EIF4E3: variants seen among roughly 807,000 people sequenced by gnomAD.
EIF4E3 encodes eukaryotic translation initiation factor 4E family member 3.
Under a neutral mutation model 31.7 loss-of-function variants are expected in EIF4E3, and 26 were observed. The observed-to-expected ratio is 0.82, with a 90% CI of 0.60 to 1.14. The LOEUF (loss-of-function observed/expected upper bound fraction) is 1.14, where lower values mean the gene tolerates loss of function less well. Among genes scored for constraint, EIF4E3 ranks in the 50% most tolerant of loss-of-function variants. The probability of loss-of-function intolerance (pLI) is 0.00; values close to 1 mark genes in which losing one functional copy is unlikely to be tolerated. For missense variants in EIF4E3, 304 were observed against 270.9 expected (o/e 1.12, Z -0.86); for synonymous variants, 128 against 107.7 (o/e 1.19, Z -1.17).
At chr3:71,661,525 G>A in the EIF4E3 span, among the ~76,000 whole-genome samples, 1 of 152,158 alleles carries the variant, frequency 6.6e-6, no homozygotes, top group Non-Finnish European at 1.5e-5. Context: ...GTCAAATAAA[G>A]AGGATATCTT....
chr3:71,671,713 G>A (rs924747799), downstream of EIF4E3, among the ~76,000 whole-genome samples: 2 of 152,018 alleles, frequency 1.3e-5, no homozygotes, highest in East Asian at 1.9e-4. Context: ...AAGATCCCAC[G>A]GTATATAGAT....
upstream of EIF4E3, chr3:71,754,553 C>A: frequency 1.5e-6 from 2 of 1,359,278 alleles, no homozygotes; most frequent in South Asian, 1.6e-5. The surrounding 1 kb of genome is among the most constrained non-coding windows in gnomAD (Gnocchi z 5.8). Context: ...ACGACGAGGA[C>A]GCGCCGTGCG....
downstream of EIF4E3, among the ~76,000 whole-genome samples, chr3:71,673,473 T>G (rs967250363): frequency 2.0e-5 from 3 of 152,158 alleles, no homozygotes; most frequent in Non-Finnish European, 4.4e-5. Flanking sequence ...AAGCTATTAT[T>G]ATTATTGGAG....
chr3:71,738,298 C>G (rs78506626), intron 1 of EIF4E3, among the ~76,000 whole-genome samples: 21,669 of 152,132 alleles, frequency 0.14, 2,089 homozygotes, highest in East Asian at 0.36. Flanking sequence ...CCTACCTAAG[C>G]CAGCAAGGCC....
At chr3:71,722,251 G>A (rs2049563031) in intron 1 of EIF4E3, among the ~76,000 whole-genome samples, 1 of 152,194 alleles carries the variant, frequency 6.6e-6, no homozygotes, top group Non-Finnish European at 1.5e-5. Context: ...TATATGTTGA[G>A]TCTGGTTGTG....
chr3:71,743,334 T>G (rs1422853262), intron 1 of EIF4E3, among the ~76,000 whole-genome samples: 2 of 152,150 alleles, frequency 1.3e-5, no homozygotes, highest in Non-Finnish European at 2.9e-5. Context: ...ATATTCTTTT[T>G]AGGGTAGAAA....
At chr3:71,706,871 G>A (rs1423855520) in intron 2 of EIF4E3, among the ~76,000 whole-genome samples, 2 of 152,084 alleles carry the variant, frequency 1.3e-5, no homozygotes, top group Non-Finnish European at 1.5e-5. Context: ...TAAAAAGACA[G>A]TGGGACAAAA....
chr3:71,672,739 GTTC>G (rs1185543083), downstream of EIF4E3, among the ~76,000 whole-genome samples: 2 of 152,158 alleles, frequency 1.3e-5, no homozygotes, highest in East Asian at 1.9e-4. Flanking sequence ...AATCGAACAA[GTTC>G]TTCTCCGCAG....
In EIF4E3 at chr3:71,682,633, G is replaced by A. The variant is rs1559585513; in HGVS notation, c.*2049C>T. 1 of 152,406 alleles carries A rather than the reference G, an allele frequency of 6.6e-6. No homozygotes were observed. Among genetic ancestry groups the A allele is most frequent in the Non-Finnish European group, 1.5e-5 (1 of 68,020 alleles). The allele number at this position is 152,406 out of a possible 1,614,324, so 9.4% of individuals were successfully genotyped here. ...TTCTCACAGTTGGTATTTTCTAAAG[G>A]GTCAGAAACAGTTGCAGAAGTTCAC... On this transcript the variant is annotated 3_prime_UTR_variant, in exon 7 of 7. Transcript: ENST00000425534.
chr3:71,686,484 T>C (rs1020224274), intron 6 of EIF4E3, among the ~76,000 whole-genome samples: 2 of 151,912 alleles, frequency 1.3e-5, no homozygotes, highest in African/African-American at 4.8e-5. Context: ...CAGCCTGAAA[T>C]CTGAACTAAT....
At chr3:71,712,084 T>C (rs1311947596) in intron 1 of EIF4E3, among the ~76,000 whole-genome samples, 5 of 152,226 alleles carry the variant, frequency 3.3e-5, no homozygotes. Context: ...GGACTTCCAC[T>C]GGGCAGGTGC....
chr3:71,666,938 C>CA, the EIF4E3 span, among the ~76,000 whole-genome samples: 39 of 148,342 alleles, frequency 2.6e-4, no homozygotes, highest in East Asian at 7.1e-3. Flanking sequence ...GACTTGGTCT[C>CA]AAAAAAAAAG....
intron 1 of EIF4E3, among the ~76,000 whole-genome samples, chr3:71,741,952 G>A (rs1306365328): frequency 6.6e-6 from 1 of 152,132 alleles, no homozygotes; most frequent in Admixed American, 6.5e-5. Context: ...ACATTAGGAA[G>A]TATTCTGAAA....
At chr3:71,713,997 G>C (rs1398983611) in intron 1 of EIF4E3, among the ~76,000 whole-genome samples, 1 of 152,036 alleles carries the variant, frequency 6.6e-6, no homozygotes, top group Non-Finnish European at 1.5e-5. Flanking sequence ...GATCACCTGA[G>C]GTCAGGTGTT....
At chr3:71,707,356 C>A (rs576059562) in intron 2 of EIF4E3, among the ~76,000 whole-genome samples, 2 of 152,194 alleles carry the variant, frequency 1.3e-5, no homozygotes, top group Non-Finnish European at 2.9e-5. Context: ...CTAGCCCACA[C>A]CCTAGCCAGG....
At chr3:71,668,077 C>G in the EIF4E3 span, among the ~76,000 whole-genome samples, 1 of 152,130 alleles carries the variant, frequency 6.6e-6, no homozygotes, top group African/African-American at 2.4e-5. Flanking sequence ...TGGAACAGAA[C>G]AGAGGCCTCA....
At chr3:71,754,486 C>A, upstream of EIF4E3, 1 of 1,298,996 alleles carries the variant, frequency 7.7e-7, no homozygotes, top group Non-Finnish European at 9.8e-7. The surrounding 1 kb of genome is among the most constrained non-coding windows in gnomAD (Gnocchi z 5.8). Flanking sequence ...CTGGTGTGCG[C>A]CGCCTGGGCG....
intron 6 of EIF4E3, 136 bp downstream of exon 6, chr3:71,689,874 A>G: frequency 1.2e-6 from 1 of 829,376 alleles, no homozygotes. Flanking sequence ...AAAAACTTAA[A>G]TGTATTTTGT....
chr3:71,722,309 T>C (rs1243722687), intron 1 of EIF4E3, among the ~76,000 whole-genome samples: 1 of 152,192 alleles, frequency 6.6e-6, no homozygotes, highest in African/African-American at 2.4e-5. Flanking sequence ...GCACTGGATC[T>C]AAGAGTGTAA....
Sources: gnomAD v4.1 joint callset for allele counts (sites outside exome capture counted in the v4.1 genomes callset) on GRCh38, gnomAD v4.1.1 for gene constraint, Gnocchi (gnomAD v3.1) non-coding constraint, MANE v1.5 for transcripts, NCBI Gene and HGNC (gene_info 2026-07-23, HGNC 2026-07-21) for gene names.